Variants in SYN3 observed in about 807,000 individuals in gnomAD.
The protein encoded by SYN3 is synapsin-3.
A neutral mutation model predicts 65.8 loss-of-function variants in SYN3; 35 were observed. The observed-to-expected ratio is 0.53, with a 90% CI of 0.41 to 0.70. The LOEUF is 0.70. Among genes scored for constraint, SYN3 ranks in the 30% least tolerant of loss-of-function variants. SYN3 has a pLI of 0.00. For missense variants in SYN3, 680 were observed against 749.0 expected (o/e 0.91, Z 1.08); for synonymous variants, 270 against 292.9 (o/e 0.92, Z 0.80).
At chr22:32,627,433 G>A (rs372308475) in intron 6 of SYN3, among the ~76,000 whole-genome samples, 5 of 152,016 alleles carry the variant, frequency 3.3e-5, no homozygotes, top group East Asian at 1.9e-4. Flanking sequence ...ACACCCTGAC[G>A]CACACTCACG....
intron 6 of SYN3, among the ~76,000 whole-genome samples, chr22:32,767,398 T>C (rs77262411): frequency 3.3e-4 from 21 of 63,822 alleles, no homozygotes; most frequent in African/African-American, 1.4e-3. Context: ...CACACACACA[T>C]ACATGCACAC....
At chr22:33,039,538 G>A (rs547255338) in intron 1 of SYN3, among the ~76,000 whole-genome samples, 2 of 152,092 alleles carry the variant, frequency 1.3e-5, no homozygotes, top group South Asian at 4.2e-4. Flanking sequence ...GTGATTACAG[G>A]TGCCTGCCAC....
chr22:32,701,475 T>A (rs1569158702), intron 6 of SYN3, among the ~76,000 whole-genome samples: 5 of 151,852 alleles, frequency 3.3e-5, no homozygotes, highest in African/African-American at 1.2e-4. Context: ...CAAGAAATTA[T>A]AAGAAGGTTG....
chr22:33,038,199 T>C (rs1309450253), intron 1 of SYN3, among the ~76,000 whole-genome samples: 2 of 152,144 alleles, frequency 1.3e-5, no homozygotes, highest in East Asian at 1.9e-4. Flanking sequence ...AATGCCCCCT[T>C]AGGCCAGGCA....
chr22:32,639,202 C>G (rs980704892), intron 6 of SYN3, among the ~76,000 whole-genome samples: 8 of 152,180 alleles, frequency 5.3e-5, no homozygotes, highest in African/African-American at 1.9e-4. Flanking sequence ...ATCCACCCGC[C>G]TCGGCCTCCC....
intron 6 of SYN3, among the ~76,000 whole-genome samples, chr22:32,695,657 T>C (rs2060726179): frequency 6.6e-6 from 1 of 152,222 alleles, no homozygotes; most frequent in Admixed American, 6.5e-5. Context: ...GGCTGACTGC[T>C]GCTCCCTTTC....
At chr22:32,882,714 GA>G (rs1318321058) in intron 4 of SYN3, among the ~76,000 whole-genome samples, 2 of 145,296 alleles carry the variant, frequency 1.4e-5, no homozygotes, top group Admixed American at 7.4e-5. Context: ...AAATAGTTCA[GA>G]ATTTTTTTTT....
intron 1 of SYN3, among the ~76,000 whole-genome samples, chr22:33,028,903 G>A (rs903733845): frequency 5.3e-4 from 80 of 152,214 alleles, no homozygotes; most frequent in African/African-American, 1.5e-3. Context: ...AGCCGGGCGT[G>A]GTGGCGGGCG....
At chr22:32,858,671 T>C (rs1222404644) in intron 6 of SYN3, among the ~76,000 whole-genome samples, 2 of 152,158 alleles carry the variant, frequency 1.3e-5, no homozygotes, top group African/African-American at 4.8e-5. Context: ...TCTCACTTCA[T>C]CTTCAAAACA....
rs1296490231 is a variant in SYN3 at position 32,817,686 on chromosome 22, C to G, written c.711+47229G>C. Among the ~76,000 whole-genome samples the G allele has an allele frequency of 2.6e-5, 4 of 152,318 alleles. No homozygotes were observed. The East Asian group carries it at 7.7e-4, about 29-fold the overall frequency. On this transcript the variant is annotated intron_variant, in intron 6 of 13. Coordinates refer to ENST00000358763, the MANE Select transcript of SYN3 (RefSeq NM_003490.4). ...CTGTGGTCATGACTTGTTTTATAATCTTGCTTGGCTCAGTTCTGGGCACAC... is the reference window on the plus strand; with the variant it reads ...CTGTGGTCATGACTTGTTTTATAATGTTGCTTGGCTCAGTTCTGGGCACAC...
intron 6 of SYN3, among the ~76,000 whole-genome samples, chr22:32,702,430 A>G (rs535364074): frequency 5.9e-5 from 9 of 152,304 alleles, no homozygotes; most frequent in African/African-American, 1.4e-4. Context: ...GTGAGCCGAG[A>G]TCGCACTCCA....
chr22:32,722,427 A>G (rs914944493), intron 6 of SYN3, among the ~76,000 whole-genome samples: 8 of 152,210 alleles, frequency 5.3e-5, no homozygotes, highest in African/African-American at 1.4e-4. Context: ...GTGAAGGAAA[A>G]AAGGTGAATG....
intron 1 of SYN3, among the ~76,000 whole-genome samples, chr22:33,041,366 C>T (rs2145935078): frequency 6.6e-6 from 1 of 151,378 alleles, no homozygotes; most frequent in African/African-American, 2.4e-5. Flanking sequence ...TCTCGGCTCA[C>T]TGCAAGCTCC....
intron 7 of SYN3, among the ~76,000 whole-genome samples, chr22:32,568,943 T>A (rs893796162): frequency 3.3e-5 from 5 of 152,178 alleles, no homozygotes; most frequent in Admixed American, 1.3e-4. Context: ...TTCCATTTGA[T>A]GGGTGTTTAG....
At chr22:33,046,186 G>A (rs1455079767) in intron 1 of SYN3, among the ~76,000 whole-genome samples, 5 of 152,074 alleles carry the variant, frequency 3.3e-5, no homozygotes, top group South Asian at 2.1e-4. Flanking sequence ...TACCAACCAC[G>A]CCAACTACTG....
At chr22:32,569,567 C>CTATA (rs1225222696) in intron 7 of SYN3, among the ~76,000 whole-genome samples, 88 of 64,422 alleles carry the variant, frequency 1.4e-3, no homozygotes, top group Admixed American at 2.5e-3. Context: ...CTCTCTCTCT[C>CTATA]TCTCTATATA....
At chr22:32,616,541 A>G (rs545729745) in intron 6 of SYN3, among the ~76,000 whole-genome samples, 113 of 152,206 alleles carry the variant, frequency 7.4e-4, no homozygotes, top group Middle Eastern at 3.4e-3. Context: ...GTATAATAGC[A>G]TCCCTAGTTC....
chr22:32,587,325 A>G (rs921856759), intron 7 of SYN3, among the ~76,000 whole-genome samples: 1 of 135,802 alleles, frequency 7.4e-6, no homozygotes, highest in Non-Finnish European at 1.6e-5. Flanking sequence ...ATAGGGAGGG[A>G]GGTGGGATTG....
chr22:32,724,372 G>A (rs1469589389), intron 6 of SYN3, among the ~76,000 whole-genome samples: 1 of 152,128 alleles, frequency 6.6e-6, no homozygotes, highest in Non-Finnish European at 1.5e-5. Flanking sequence ...GACTACAGAA[G>A]GGTAATTTTG....
Sources: allele counts gnomAD v4.1 joint callset (sites outside exome capture counted in the v4.1 genomes callset), GRCh38; gene constraint gnomAD v4.1.1; transcripts MANE v1.5; gene names NCBI Gene and HGNC (gene_info 2026-07-23, HGNC 2026-07-21).